MLIP: variants seen among roughly 807,000 people sequenced by gnomAD.
MLIP encodes the protein muscular LMNA-interacting protein.
MLIP carries 79 observed loss-of-function variants against 84.8 expected under a neutral mutation model. The ratio of observed to expected loss-of-function variants is 0.93; its 90% confidence interval spans 0.78 to 1.12. MLIP has a LOEUF of 1.12. Among genes scored for constraint, MLIP ranks in the 50% most tolerant of loss-of-function variants. The pLI is 0.00. For synonymous variants in MLIP, 504 were observed against 463.0 expected, an observed-to-expected ratio of 1.09 and a Z score of -1.14; for missense variants, 1,257 against 1,160.6, an observed-to-expected ratio of 1.08 and a Z score of -1.21.
intron 1 of MLIP, among the ~76,000 whole-genome samples, chr6:54,081,501 A>G (rs1440621998): frequency 6.6e-6 from 1 of 152,052 alleles, no homozygotes; most frequent in Non-Finnish European, 1.5e-5. Context: ...TCCGCCTCCC[A>G]GGTTCAAGCG....
chr6:54,251,906 CAT>C lies in MLIP; in HGVS notation c.2923-5398_2923-5397del, dbSNP rs1292309523. On this transcript the variant is annotated intron_variant, in intron 12 of 13. Coordinates refer to ENST00000502396, the MANE Select transcript of MLIP (RefSeq NM_001281747.2). Reference sequence around the variant, plus strand: ...TATATAATATAAATATATATTATAACATATAATATATAATATAAATATATATT... The same window carrying C: ...TATATAATATAAATATATATTATAACATAATATATAATATAAATATATATT... 2.5e-4 allele frequency among the ~76,000 whole-genome samples: 16 copies of C among 65,074 alleles called. 1 individual carries two copies. Among genetic ancestry groups the C allele is most frequent in the Non-Finnish European group, 3.2e-4 (14 of 44,412 alleles). The allele number at this position is 65,074 out of a possible 152,430, so 42.7% of individuals were successfully genotyped here. A position where few individuals can be genotyped will look rare whatever the true frequency, so the allele number is the denominator to read the frequency against.
intron 5 of MLIP, among the ~76,000 whole-genome samples, chr6:54,152,622 T>C (rs1395188292): frequency 1.3e-5 from 2 of 152,120 alleles, no homozygotes; most frequent in Non-Finnish European, 2.9e-5. Flanking sequence ...CACATGGGAA[T>C]TCTGGGAGAT....
intron 1 of MLIP, among the ~76,000 whole-genome samples, chr6:54,099,835 T>C (rs1210338665): frequency 6.6e-6 from 1 of 152,032 alleles, no homozygotes; most frequent in Non-Finnish European, 1.5e-5. Context: ...ATTAACAAAA[T>C]CATAACTGAG....
At chr6:54,167,448 C>T (rs1775311189) in intron 8 of MLIP, among the ~76,000 whole-genome samples, 1 of 151,840 alleles carries the variant, frequency 6.6e-6, no homozygotes, top group Non-Finnish European at 1.5e-5. Flanking sequence ...TAGTTTCTAG[C>T]ATACTGTGAA....
chr6:54,220,982 G>A (rs1780181780), intron 11 of MLIP, among the ~76,000 whole-genome samples: 3 of 152,176 alleles, frequency 2.0e-5, no homozygotes, highest in African/African-American at 7.2e-5. Flanking sequence ...TTCATGAGAA[G>A]GATTATGAAA....
chr6:54,078,233 C>T (rs184502174), intron 1 of MLIP, among the ~76,000 whole-genome samples: 5 of 152,300 alleles, frequency 3.3e-5, no homozygotes, highest in Admixed American at 6.5e-5. Flanking sequence ...TAAAATATCA[C>T]ACAGGCAGTA....
chr6:54,067,706 C>A (rs59167067), intron 1 of MLIP, among the ~76,000 whole-genome samples: 8,319 of 100,836 alleles, frequency 0.083, 1,642 homozygotes, highest in African/African-American at 0.19. Flanking sequence ...ATATTCACAG[C>A]ACAAAGGCAG....
intron 1 of MLIP, among the ~76,000 whole-genome samples, chr6:54,026,917 G>A (rs143823253): frequency 1.4e-3 from 220 of 152,232 alleles, no homozygotes; most frequent in African/African-American, 5.1e-3. Context: ...TATCTACAAA[G>A]TGAAAGGTTG....
In MLIP at chr6:54,124,461, C is replaced by A. The variant is rs769711468; in HGVS notation, c.253-12C>A. The A allele has an allele frequency of 6.2e-7, 1 of 1,603,842 alleles. No individual in the cohort carries two copies. The highest frequency in any genetic ancestry group is 8.5e-7 in the Non-Finnish European group (1 of 1,174,068). ...TAATGTCAATGCTTTTATCTCTCTA[C>A]ATCTATTACAGTCTAAATCCAATGA... On this transcript the variant is annotated splice_polypyrimidine_tract_variant and intron_variant, in intron 2 of 13. Transcript: ENST00000502396.
intron 12 of MLIP, among the ~76,000 whole-genome samples, chr6:54,237,798 C>T (rs896619506): frequency 3.3e-5 from 5 of 152,062 alleles, no homozygotes; most frequent in Admixed American, 6.5e-5. Flanking sequence ...TGCACTGAAC[C>T]GTGATTGTGT....
intron 1 of MLIP, among the ~76,000 whole-genome samples, chr6:54,106,370 C>T (rs1769017001): frequency 6.6e-6 from 1 of 152,118 alleles, no homozygotes; most frequent in Non-Finnish European, 1.5e-5. Flanking sequence ...ATACGTCCTT[C>T]AGCCTGACAG....
intron 12 of MLIP, among the ~76,000 whole-genome samples, chr6:54,232,080 T>C (rs1306564626): frequency 1.3e-5 from 2 of 152,060 alleles, no homozygotes; most frequent in African/African-American, 4.8e-5. Context: ...GTCCCATTCT[T>C]GGTCTAGAAA....
At chr6:54,222,206 A>G (rs1320144109) in intron 11 of MLIP, among the ~76,000 whole-genome samples, 1 of 152,064 alleles carries the variant, frequency 6.6e-6, no homozygotes, top group Non-Finnish European at 1.5e-5. Flanking sequence ...TTATACTATT[A>G]TTGTTGTGGT....
intron 12 of MLIP, among the ~76,000 whole-genome samples, chr6:54,253,290 G>A (rs1008422668): frequency 5.3e-5 from 8 of 152,152 alleles, no homozygotes; most frequent in Non-Finnish European, 8.8e-5. Flanking sequence ...TCTAAGTGGA[G>A]AGACAGAAGC....
chr6:54,116,134 G>T (rs540432849), intron 1 of MLIP, among the ~76,000 whole-genome samples: 4 of 152,088 alleles, frequency 2.6e-5, no homozygotes, highest in African/African-American at 9.7e-5. Flanking sequence ...GTTAAAAGGC[G>T]TGCTCATAAG....
At chr6:54,164,505 T>G (rs1248392431) in intron 8 of MLIP, among the ~76,000 whole-genome samples, 5 of 151,942 alleles carry the variant, frequency 3.3e-5, no homozygotes, top group African/African-American at 1.2e-4. Flanking sequence ...AACTCCATCC[T>G]TTTAGTTTAC....
At chr6:54,026,075 T>A (rs1362089593) in intron 1 of MLIP, among the ~76,000 whole-genome samples, 1 of 152,208 alleles carries the variant, frequency 6.6e-6, no homozygotes, top group Admixed American at 6.5e-5. Context: ...GGAAGGCAAC[T>A]GGAGGGAATT....
intron 1 of MLIP, among the ~76,000 whole-genome samples, chr6:54,026,228 G>T (rs748312168): frequency 5.9e-5 from 9 of 152,140 alleles, no homozygotes; most frequent in Non-Finnish European, 1.2e-4. Flanking sequence ...CTCTGCATCA[G>T]ATATTAGAGA....
intron 8 of MLIP, among the ~76,000 whole-genome samples, chr6:54,169,204 CA>C (rs1775515259): frequency 1.3e-5 from 2 of 151,160 alleles, no homozygotes; most frequent in East Asian, 2.0e-4. Context: ...TTGAGGAGCT[CA>C]AAAAATGGAA....
Sources: gnomAD v4.1 joint callset for allele counts (sites outside exome capture counted in the v4.1 genomes callset) on GRCh38, gnomAD v4.1.1 for gene constraint, MANE v1.5 for transcripts, NCBI Gene and HGNC (gene_info 2026-07-23, HGNC 2026-07-21) for gene names.